Variants in MCCC2 observed in about 807,000 individuals in gnomAD.
The protein encoded by MCCC2 is methylcrotonyl-CoA carboxylase subunit 2.
In MCCC2, 52 loss-of-function variants were observed where a neutral mutation model predicts 77.2. That is an observed-to-expected ratio of 0.67 (90% confidence interval 0.54 to 0.85). The LOEUF (loss-of-function observed/expected upper bound fraction) is 0.85, where lower values mean the gene tolerates loss of function less well. MCCC2 is among the 40% of genes least tolerant of loss of function. MCCC2 has a pLI of 0.00. For missense variants in MCCC2, 682 were observed against 703.2 expected (o/e 0.97, Z 0.34); for synonymous variants, 253 against 248.4 (o/e 1.02, Z -0.18).
At chr5:71,611,940 C>A (rs965439981) in intron 6 of MCCC2, among the ~76,000 whole-genome samples, 5 of 151,976 alleles carry the variant, frequency 3.3e-5, no homozygotes, top group African/African-American at 1.2e-4. Flanking sequence ...AGGCGCCCAC[C>A]ACCATGCCCG....
intron 6 of MCCC2, among the ~76,000 whole-genome samples, chr5:71,622,216 T>C (rs973578141): frequency 1.3e-5 from 2 of 152,050 alleles, no homozygotes; most frequent in Non-Finnish European, 2.9e-5. Flanking sequence ...TAGGCTCATG[T>C]AACGTCTTTG....
At chr5:71,633,131 A>ATTTTTTTT (rs1306338509) in intron 8 of MCCC2, among the ~76,000 whole-genome samples, 4 of 78,078 alleles carry the variant, frequency 5.1e-5, no homozygotes, top group East Asian at 9.7e-4. Context: ...ATATATATAT[A>ATTTTTTTT]TTTTTATTTT....
In MCCC2 at chr5:71,648,989, A is replaced by G. The variant is rs1028989807; in HGVS notation, c.1217-108A>G. 11 of 1,245,160 alleles carry G rather than the reference A, an allele frequency of 8.8e-6. No homozygotes were observed. In the African/African-American group the frequency reaches 1.3e-4, roughly 15 times the overall value. 77.1% of individuals were successfully genotyped at this position (1,245,160 alleles called of 1,614,324 possible). A position where few individuals can be genotyped will look rare whatever the true frequency, so the allele number is the denominator to read the frequency against. On this transcript the variant is annotated intron_variant, in intron 13 of 16. Transcript: ENST00000340941. ...CATATAAACATTTTCTTAAGGCGAG[A>G]GGCATTTAGTAAGATGAGTTTAGTA...
chr5:71,608,733 GT>G (rs1449898887), intron 6 of MCCC2, among the ~76,000 whole-genome samples: 1 of 152,078 alleles, frequency 6.6e-6, no homozygotes. Context: ...TCCTTTCCAT[GT>G]TTAGCGCTTC....
intron 5 of MCCC2, 154 bp downstream of exon 5, chr5:71,602,787 T>C: frequency 8.8e-7 from 1 of 1,140,654 alleles, no homozygotes; most frequent in Non-Finnish European, 1.3e-6. Flanking sequence ...TGCTGAAAAC[T>C]CTGGGGGAAA....
chr5:71,657,134 T>C lies in MCCC2; in HGVS notation c.*274T>C, dbSNP rs1245855817. 5.1e-6 allele frequency: 2 copies of C among 392,330 alleles called. No homozygotes were observed. The highest frequency in any genetic ancestry group is 7.7e-5 in the Admixed American group (2 of 25,966). 24.3% of individuals were successfully genotyped at this position (392,330 alleles called of 1,614,324 possible). On this transcript the variant is annotated 3_prime_UTR_variant, in exon 17 of 17. Transcript: ENST00000340941. ...GTTATCCTTTCTGACCCACAAAGTATGAAAAGTTCTGTAATCTGTAAACTC... is the reference window on the plus strand; with the variant it reads ...GTTATCCTTTCTGACCCACAAAGTACGAAAAGTTCTGTAATCTGTAAACTC...
intron 16 of MCCC2, among the ~76,000 whole-genome samples, chr5:71,653,231 A>G (rs1202455811): frequency 6.6e-6 from 1 of 152,194 alleles, no homozygotes; most frequent in Non-Finnish European, 1.5e-5. Context: ...TTGAAAGGTG[A>G]TTAGTCACTG....
chr5:71,603,512 C>T (rs1236360014), intron 5 of MCCC2, among the ~76,000 whole-genome samples: 1 of 150,296 alleles, frequency 6.7e-6, no homozygotes, highest in Non-Finnish European at 1.5e-5. Flanking sequence ...GGTATTTGAA[C>T]GGGTACTGAT....
intron 7 of MCCC2, among the ~76,000 whole-genome samples, chr5:71,631,314 G>A (rs930408054): frequency 1.3e-5 from 2 of 152,162 alleles, no homozygotes; most frequent in African/African-American, 4.8e-5. Flanking sequence ...GGATAGGCAG[G>A]CAGTCCTCTA....
At chr5:71,641,729 A>G (rs1055634834) in intron 11 of MCCC2, among the ~76,000 whole-genome samples, 4 of 152,328 alleles carry the variant, frequency 2.6e-5, no homozygotes, top group East Asian at 3.9e-4. Context: ...AATTTTGTGA[A>G]TTTTACTTGT....
At chr5:71,603,661 G>A (rs1029230502) in intron 5 of MCCC2, among the ~76,000 whole-genome samples, 9 of 152,278 alleles carry the variant, frequency 5.9e-5, no homozygotes, top group Middle Eastern at 3.4e-3. Context: ...CTTTATAGGG[G>A]ATACAGTGAG....
intron 1 of MCCC2, 88 bp from the exon 2 acceptor site, chr5:71,592,838 G>GTTT: frequency 9.6e-5 from 79 of 821,988 alleles, no homozygotes; most frequent in Middle Eastern, 2.8e-4. Context: ...ACAGACCACT[G>GTTT]TTTTTTTTTT....
chr5:71,654,281 A>G (rs1580335541), intron 16 of MCCC2, among the ~76,000 whole-genome samples: 2 of 152,334 alleles, frequency 1.3e-5, no homozygotes, highest in South Asian at 2.1e-4. Flanking sequence ...GGCGTGAGCC[A>G]CCTGTAATCG....
chr5:71,638,817 G>A (rs942178699), intron 10 of MCCC2, among the ~76,000 whole-genome samples: 4 of 152,108 alleles, frequency 2.6e-5, no homozygotes, highest in South Asian at 2.1e-4. Flanking sequence ...CACCACGCCC[G>A]GCCCAGGAAA....
rs531899917 is a variant in MCCC2 at position 71,650,622 on chromosome 5, G to A, written c.1488+439G>A. Among the ~76,000 whole-genome samples the A allele has an allele frequency of 1.3e-4, 20 of 151,716 alleles. No individual in the cohort carries two copies. The South Asian group carries it at 4.2e-3, about 32-fold the overall frequency. On this transcript the variant is annotated intron_variant, in intron 15 of 16. Transcript: ENST00000340941. ...TGGGATTACAGGTGTGTGCCACCAC[G>A]CCAGGCTAATTTTTGTATTTTTATT...
At chr5:71,644,812 A>G (rs897627254) in intron 12 of MCCC2, among the ~76,000 whole-genome samples, 8 of 152,124 alleles carry the variant, frequency 5.3e-5, no homozygotes, top group African/African-American at 1.9e-4. Context: ...TTTTTTATCA[A>G]TAAAATTGGT....
intron 10 of MCCC2, among the ~76,000 whole-genome samples, chr5:71,638,963 G>C (rs969456046): frequency 2.6e-5 from 4 of 152,182 alleles, no homozygotes; most frequent in South Asian, 2.1e-4. Context: ...TGAGTGACCA[G>C]GTATATTGTT....
At chr5:71,620,895 C>T (rs1305075530) in intron 6 of MCCC2, among the ~76,000 whole-genome samples, 1 of 152,156 alleles carries the variant, frequency 6.6e-6, no homozygotes, top group East Asian at 1.9e-4. Flanking sequence ...TGTCACAGAG[C>T]AGGCCCATCT....
chr5:71,639,236 ATCT>A (rs1747037970), intron 10 of MCCC2, among the ~76,000 whole-genome samples: 1 of 152,122 alleles, frequency 6.6e-6, no homozygotes, highest in Non-Finnish European at 1.5e-5. Flanking sequence ...CCTAGGTGGC[ATCT>A]TCTTCCACCA....
Sources: allele counts gnomAD v4.1 joint callset (sites outside exome capture counted in the v4.1 genomes callset), GRCh38; gene constraint gnomAD v4.1.1; transcripts MANE v1.5; gene names NCBI Gene and HGNC (gene_info 2026-07-23, HGNC 2026-07-21).